DYTN: variants seen among roughly 807,000 people sequenced by gnomAD.
DYTN encodes the protein dystrotelin.
Under a neutral mutation model 69.6 loss-of-function variants are expected in DYTN, and 75 were observed. The observed-to-expected ratio is 1.08, with a 90% CI of 0.89 to 1.31. The LOEUF (loss-of-function observed/expected upper bound fraction) is 1.31. Among genes scored for constraint, DYTN ranks in the 50% most tolerant of loss-of-function variants. DYTN has a pLI of 0.00. For missense variants in DYTN, 726 were observed against 688.4 expected, an observed-to-expected ratio of 1.05 and a Z score of -0.61; for synonymous variants, 252 against 249.1, an observed-to-expected ratio of 1.01 and a Z score of -0.11.
chr2:206,685,382 C>T (rs746468522), intron 9 of DYTN, among the ~76,000 whole-genome samples: 17 of 151,980 alleles, frequency 1.1e-4, no homozygotes, highest in Admixed American at 2.0e-4. Context: ...AGGCTGGTCT[C>T]GAACTCCTGG....
intron 7 of DYTN, among the ~76,000 whole-genome samples, chr2:206,695,984 A>C (rs1206364752): frequency 6.6e-6 from 1 of 152,246 alleles, no homozygotes; most frequent in African/African-American, 2.4e-5. Flanking sequence ...GTGCTCTTAA[A>C]TTTCATATCT....
intron 9 of DYTN, among the ~76,000 whole-genome samples, chr2:206,668,925 A>G (rs983814468): frequency 6.6e-6 from 1 of 152,126 alleles, no homozygotes; most frequent in African/African-American, 2.4e-5. Flanking sequence ...CCCTGTGAAG[A>G]AGGTGTCTGC....
chr2:206,670,129 A>G (rs1258625460), intron 9 of DYTN, among the ~76,000 whole-genome samples: 2 of 152,234 alleles, frequency 1.3e-5, no homozygotes, highest in Admixed American at 6.5e-5. Flanking sequence ...GAAAGTTAGA[A>G]TGCTGTTGGA....
chr2:206,689,246 T>G (rs991650454), intron 9 of DYTN, among the ~76,000 whole-genome samples: 1 of 152,254 alleles, frequency 6.6e-6, no homozygotes, highest in Non-Finnish European at 1.5e-5. Flanking sequence ...CTTATTACCA[T>G]GCAGATAGTT....
At chr2:206,705,680 T>G in intron 4 of DYTN, 108 bp downstream of exon 4, 1 of 922,532 alleles carries the variant, frequency 1.1e-6, no homozygotes, top group Admixed American at 2.8e-5. Flanking sequence ...AACACATAAG[T>G]CATGCTGAGT....
rs576115811 is a variant in DYTN, at chr2:206,654,038, T to A, written c.1634-2117A>T. On this transcript the variant is annotated intron_variant, in intron 11 of 11. Transcript: ENST00000452335. ...AAATGCCCAGTGCAAGCACAGTGCT[T>A]GGCACACAACAAATGCTTGATTAAT... is the stretch of plus-strand genomic sequence containing the variant. 5.3e-5 allele frequency among the ~76,000 whole-genome samples: 8 copies of A among 152,340 alleles called. No homozygotes were observed. In the East Asian group the frequency reaches 1.5e-3, roughly 29 times the overall value.
chr2:206,707,605 T>C (rs1700040500), intron 2 of DYTN, 102 bp from the exon 3 acceptor site: 10 of 1,178,014 alleles, frequency 8.5e-6, no homozygotes, highest in Non-Finnish European at 9.6e-6. Context: ...AGACTTTTTA[T>C]GGTCGCTATT....
At chr2:206,659,021 C>T (rs1410389469) in intron 11 of DYTN, among the ~76,000 whole-genome samples, 5 of 144,686 alleles carry the variant, frequency 3.5e-5, no homozygotes. Flanking sequence ...AGGCAAGGAA[C>T]AGCTGACACT....
At chr2:206,657,569 A>T (rs1407459250) in intron 11 of DYTN, among the ~76,000 whole-genome samples, 1 of 152,146 alleles carries the variant, frequency 6.6e-6, no homozygotes, top group Non-Finnish European at 1.5e-5. Context: ...TTTAAATACC[A>T]CTATTTTCAT....
intron 8 of DYTN, 133 bp from the exon 9 acceptor site, chr2:206,693,456 A>C (rs1295652792): frequency 4.3e-6 from 5 of 1,172,334 alleles, no homozygotes; most frequent in Non-Finnish European, 5.8e-6. Context: ...AAATAATCTT[A>C]CCTCCTTCTT....
intron 9 of DYTN, among the ~76,000 whole-genome samples, chr2:206,682,626 T>G (rs1442744142): frequency 6.6e-6 from 1 of 152,168 alleles, no homozygotes; most frequent in Non-Finnish European, 1.5e-5. Flanking sequence ...ACCTCATGGC[T>G]TTAACAACCA....
At chr2:206,698,192 G>T (rs1699940964) in intron 7 of DYTN, among the ~76,000 whole-genome samples, 1 of 151,982 alleles carries the variant, frequency 6.6e-6, no homozygotes, top group Non-Finnish European at 1.5e-5. Flanking sequence ...CTGCTTGCTT[G>T]GTTTCCAACA....
intron 1 of DYTN, 65 bp downstream of exon 1, chr2:206,718,196 T>C: frequency 6.6e-7 from 1 of 1,514,708 alleles, no homozygotes; most frequent in Non-Finnish European, 8.9e-7. Flanking sequence ...GGTCTGAAAA[T>C]ATAACATCTG....
chr2:206,696,642 C>G (rs962941408), intron 7 of DYTN, among the ~76,000 whole-genome samples: 1 of 152,132 alleles, frequency 6.6e-6, no homozygotes, highest in East Asian at 1.9e-4. Context: ...GTAACTTGCA[C>G]AAAGTTACAC....
At position 206,694,680 on chromosome 2, in the gene DYTN, G is replaced by A. The variant is rs1329233340; in HGVS notation, c.831+86C>T. ...ATGTATGACAGGAGCAGAATCTGTG[G>A]TTTCACTGGAGGGAAGGTTTTTTCA... On this transcript the variant is annotated intron_variant, in intron 8 of 11. Coordinates refer to ENST00000452335, the MANE Select transcript of DYTN (RefSeq NM_001093730.1). The A allele has an allele frequency of 1.0e-5, 11 of 1,085,632 alleles. No homozygotes were observed. In the African/African-American group the frequency reaches 1.1e-4, roughly 11 times the overall value. 67.2% of individuals were successfully genotyped at this position (1,085,632 alleles called of 1,614,324 possible).
chr2:206,651,747 A>T lies in DYTN; in HGVS notation c.*71T>A. 7.3e-7 allele frequency: 1 copy of T among 1,374,512 alleles called. No individual in the cohort carries two copies. The highest frequency in any genetic ancestry group is 1.2e-5 in the South Asian group (1 of 83,268). The allele number at this position is 1,374,512 out of a possible 1,614,324, so 85.1% of individuals were successfully genotyped here. A position where few individuals can be genotyped will look rare whatever the true frequency, so the allele number is the denominator to read the frequency against. On this transcript the variant is annotated 3_prime_UTR_variant, in exon 12 of 12. Coordinates refer to ENST00000452335, the MANE Select transcript of DYTN (RefSeq NM_001093730.1). ...CTATTAAAAGAAAGGTAGAAGTCTT[A>T]ATTCTTTTAATACAGTTGTGCAACT...
At chr2:206,672,783 G>A (rs377427176) in intron 9 of DYTN, among the ~76,000 whole-genome samples, 69 of 152,256 alleles carry the variant, frequency 4.5e-4, no homozygotes, top group African/African-American at 1.4e-3. Flanking sequence ...ACATGTGGGG[G>A]CAAATAAACA....
intron 4 of DYTN, among the ~76,000 whole-genome samples, chr2:206,705,349 C>T (rs1211429548): frequency 2.0e-5 from 3 of 152,178 alleles, no homozygotes; most frequent in Non-Finnish European, 2.9e-5. Context: ...CCGCCCGCCT[C>T]GACCTCCCAA....
chr2:206,675,833 T>C (rs1485651250), intron 9 of DYTN, among the ~76,000 whole-genome samples: 3 of 152,092 alleles, frequency 2.0e-5, no homozygotes, highest in Non-Finnish European at 4.4e-5. Flanking sequence ...GAAAAATAAC[T>C]CATCATCACT....
Sources: gnomAD v4.1 joint callset for allele counts (sites outside exome capture counted in the v4.1 genomes callset) on GRCh38, gnomAD v4.1.1 for gene constraint, MANE v1.5 for transcripts, NCBI Gene and HGNC (gene_info 2026-07-23, HGNC 2026-07-21) for gene names.